The following DYM variants were observed in gnomAD, a reference collection of about 807,000 sequenced individuals.
DYM encodes dyggve-Melchior-Clausen syndrome protein.
Under a neutral mutation model 93.1 loss-of-function variants are expected in DYM, and 78 were observed. The ratio of observed to expected loss-of-function variants is 0.84; its 90% CI spans 0.70 to 1.01. The LOEUF (loss-of-function observed/expected upper bound fraction) is 1.01, where lower values mean the gene tolerates loss of function less well. Among genes scored for constraint, DYM ranks in the 50% least tolerant of loss-of-function variants. The pLI is 0.00. For synonymous variants in DYM, 321 were observed against 319.7 expected (o/e 1.00, Z -0.04); for missense variants, 789 against 845.0 (o/e 0.93, Z 0.82).
chr18:49,440,947 A>AT (rs61231258), intron 1 of DYM, among the ~76,000 whole-genome samples: 228 of 684 alleles, frequency 0.33, 74 homozygotes, highest in African/African-American at 0.52. Flanking sequence ...TATATAATAT[A>AT]TTATATAAAT....
rs1235661798 is a variant in DYM at position 49,360,583 on chromosome 18, C to G, written c.494+2578G>C. Among the ~76,000 whole-genome samples the G allele has an allele frequency of 3.3e-5, 5 of 151,732 alleles. No homozygotes were observed. The South Asian group carries it at 1.0e-3, about 32-fold the overall frequency. Reference sequence around the variant, plus strand: ...GTTGCAGTGAGCTGAGATCACGCCACTGCACTCTAGCCTGGGTGACAGAGT... The same window carrying G: ...GTTGCAGTGAGCTGAGATCACGCCAGTGCACTCTAGCCTGGGTGACAGAGT... On this transcript the variant is annotated intron_variant, in intron 6 of 17. Coordinates refer to ENST00000675505, the MANE Select transcript of DYM (RefSeq NM_001353214.3).
intron 13 of DYM, among the ~76,000 whole-genome samples, chr18:49,237,093 A>C (rs751773849): frequency 3.9e-5 from 6 of 152,052 alleles, no homozygotes; most frequent in Non-Finnish European, 7.4e-5. Flanking sequence ...GGAACCCGGG[A>C]ATCAATCACT....
intron 5 of DYM, among the ~76,000 whole-genome samples, chr18:49,370,315 T>C (rs1195766414): frequency 6.8e-6 from 1 of 148,062 alleles, no homozygotes; most frequent in Non-Finnish European, 1.5e-5. Context: ...CAGGACTAAC[T>C]CCCTCTCTGG....
intron 14 of DYM, among the ~76,000 whole-genome samples, chr18:49,191,134 A>G (rs2030426287): frequency 1.3e-5 from 2 of 152,256 alleles, no homozygotes; most frequent in Admixed American, 1.3e-4. Context: ...AGGGTCGACT[A>G]TATTTTGATA....
intron 15 of DYM, among the ~76,000 whole-genome samples, chr18:49,123,480 G>A (rs1436313096): frequency 1.3e-5 from 2 of 152,116 alleles, no homozygotes; most frequent in Non-Finnish European, 2.9e-5. Context: ...CATTCATTCA[G>A]GCTCTTTATT....
intron 3 of DYM, among the ~76,000 whole-genome samples, chr18:49,383,279 T>C (rs1047648105): frequency 6.6e-6 from 1 of 152,182 alleles, no homozygotes; most frequent in Non-Finnish European, 1.5e-5. Flanking sequence ...TTTAATAAGA[T>C]AGTGGTATTT....
intron 6 of DYM, among the ~76,000 whole-genome samples, chr18:49,343,233 G>A (rs546226489): frequency 9.9e-5 from 15 of 152,248 alleles, no homozygotes; most frequent in Non-Finnish European, 1.6e-4. Flanking sequence ...CAGCCTCTAA[G>A]ACCCTGTATG....
At chr18:49,435,207 C>CAA (rs150003482) in intron 1 of DYM, among the ~76,000 whole-genome samples, 25 of 88,696 alleles carry the variant, frequency 2.8e-4, no homozygotes, top group Non-Finnish European at 3.3e-4. Context: ...GACTCCATCT[C>CAA]AAAAAAAAAA....
At chr18:49,311,994 A>G (rs1599333948) in intron 8 of DYM, among the ~76,000 whole-genome samples, 2 of 152,192 alleles carry the variant, frequency 1.3e-5, no homozygotes, top group African/African-American at 4.8e-5. Context: ...TAAGACATTT[A>G]TATTTTCCTG....
At chr18:49,276,349 C>T (rs2094846475) in intron 10 of DYM, among the ~76,000 whole-genome samples, 1 of 151,514 alleles carries the variant, frequency 6.6e-6, no homozygotes, top group Non-Finnish European at 1.5e-5. Context: ...TTGTTTTTTG[C>T]TCTGTTGATA....
At chr18:49,458,801 T>C (rs1037189208) in intron 1 of DYM, among the ~76,000 whole-genome samples, 1 of 152,178 alleles carries the variant, frequency 6.6e-6, no homozygotes, top group East Asian at 1.9e-4. Context: ...ATCACGCCAC[T>C]GTACTCCAGC....
intron 2 of DYM, among the ~76,000 whole-genome samples, chr18:49,409,630 A>C (rs898418650): frequency 2.6e-5 from 4 of 152,246 alleles, no homozygotes; most frequent in African/African-American, 7.2e-5. Flanking sequence ...CAAATTAATA[A>C]GGAAAAAATA....
At chr18:49,232,947 C>T (rs1054064589) in intron 13 of DYM, among the ~76,000 whole-genome samples, 1 of 152,120 alleles carries the variant, frequency 6.6e-6, no homozygotes, top group Non-Finnish European at 1.5e-5. Context: ...TACTTTCACA[C>T]TCCCTTTCAG....
chr18:49,449,107 G>A (rs1399931193), intron 1 of DYM, among the ~76,000 whole-genome samples: 3 of 152,160 alleles, frequency 2.0e-5, no homozygotes, highest in Non-Finnish European at 2.9e-5. Context: ...AATGCCCAAT[G>A]GAGGTGATGT....
intron 16 of DYM, among the ~76,000 whole-genome samples, chr18:49,098,843 G>T (rs1313819041): frequency 6.6e-6 from 1 of 152,088 alleles, no homozygotes; most frequent in African/African-American, 2.4e-5. Flanking sequence ...TCTGAAAAAA[G>T]ACACAACACA....
intron 13 of DYM, among the ~76,000 whole-genome samples, chr18:49,225,784 T>G (rs1385171796): frequency 6.6e-6 from 1 of 152,114 alleles, no homozygotes; most frequent in Non-Finnish European, 1.5e-5. Flanking sequence ...CATTCTGGTA[T>G]ATAAGTGCAT....
intron 16 of DYM, among the ~76,000 whole-genome samples, chr18:49,118,021 G>T (rs71355370): frequency 0.33 from 9,608 of 29,330 alleles, 449 homozygotes; most frequent in African/African-American, 0.39. Flanking sequence ...TTTTTTTTTT[G>T]TGTGTGAGAC....
intron 14 of DYM, among the ~76,000 whole-genome samples, chr18:49,168,463 A>C (rs1250505679): frequency 6.6e-6 from 1 of 152,234 alleles, no homozygotes; most frequent in East Asian, 1.9e-4. Flanking sequence ...GTCAGTCCAA[A>C]CGGGAACACG....
intron 13 of DYM, among the ~76,000 whole-genome samples, chr18:49,254,323 T>TAC (rs2094349131): frequency 1.6e-5 from 2 of 124,962 alleles, no homozygotes; most frequent in East Asian, 2.3e-4. Flanking sequence ...TATATATATA[T>TAC]ATACACACAT....
Sources: gnomAD v4.1 joint callset for allele counts (sites outside exome capture counted in the v4.1 genomes callset) on GRCh38, gnomAD v4.1.1 for gene constraint, MANE v1.5 for transcripts, NCBI Gene and HGNC (gene_info 2026-07-23, HGNC 2026-07-21) for gene names.